PIEZO2: variants seen among roughly 807,000 people sequenced by gnomAD.
PIEZO2 encodes piezo type mechanosensitive ion channel component 2.
A neutral mutation model predicts 337.3 loss-of-function variants in PIEZO2; 172 were observed. The observed-to-expected ratio is 0.51, with a 90% confidence interval of 0.45 to 0.58. PIEZO2 has a LOEUF of 0.58. Among genes scored for constraint, PIEZO2 ranks in the 20% least tolerant of loss-of-function variants. The pLI, the probability that PIEZO2 is intolerant of heterozygous loss-of-function variation, is 0.00. For synonymous variants in PIEZO2, 1,251 were observed against 1,228.5 expected (o/e 1.02, Z -0.38); for missense variants, 3,028 against 3,391.3 (o/e 0.89, Z 2.66).
At chr18:10,816,779 G>A (rs2040376980) in intron 7 of PIEZO2, among the ~76,000 whole-genome samples, 1 of 152,166 alleles carries the variant, frequency 6.6e-6, no homozygotes, top group Admixed American at 6.5e-5. Context: ...TGAAATCCAT[G>A]TCTGATATTT....
At chr18:11,085,483 G>C (rs1210794548) in intron 1 of PIEZO2, among the ~76,000 whole-genome samples, 1 of 152,098 alleles carries the variant, frequency 6.6e-6, no homozygotes, top group Non-Finnish European at 1.5e-5. Context: ...CAGGCAAAAT[G>C]CAGCTCCAAG....
At chr18:11,030,133 C>T (rs2036678593) in intron 2 of PIEZO2, among the ~76,000 whole-genome samples, 1 of 152,172 alleles carries the variant, frequency 6.6e-6, no homozygotes, top group Non-Finnish European at 1.5e-5. Flanking sequence ...CATCCTCATT[C>T]CAGCCACAAA....
At chr18:10,741,156 T>G in intron 32 of PIEZO2, 54 bp from the exon 33 acceptor site, 1 of 1,459,700 alleles carries the variant, frequency 6.9e-7, no homozygotes, top group Non-Finnish European at 9.1e-7. Context: ...AAACAAATTT[T>G]GAAAACCACG....
rs1199018487 is a variant in PIEZO2 at position 10,993,091 on chromosome 18, C to T, written c.161-13431G>A. Among the ~76,000 whole-genome samples, 1 of 152,154 alleles carries T rather than the reference C, an allele frequency of 6.6e-6. No homozygotes were observed. Among genetic ancestry groups the T allele is most frequent in the Non-Finnish European group, 1.5e-5 (1 of 68,034 alleles). ...ATTGATTTTGTATCCTGAGACTTTG[C>T]TGAAGCTGCTTATCAGCTTAAGGAG... On this transcript the variant is annotated intron_variant, in intron 2 of 55. Transcript: ENST00000674853. The surrounding 1 kb of genome is among the most constrained non-coding windows in gnomAD (Gnocchi z 5.0).
intron 3 of PIEZO2, among the ~76,000 whole-genome samples, chr18:10,968,564 T>A (rs1379629317): frequency 6.6e-6 from 1 of 151,378 alleles, no homozygotes; most frequent in African/African-American, 2.5e-5. Flanking sequence ...TTAACAATAG[T>A]TTGGGGTTCT....
intron 13 of PIEZO2, among the ~76,000 whole-genome samples, chr18:10,792,787 G>T (rs2039447558): frequency 6.6e-6 from 1 of 152,206 alleles, no homozygotes; most frequent in African/African-American, 2.4e-5. Context: ...CTGGGTAAAT[G>T]AACCTAGGAC....
chr18:10,883,304 C>T (rs1186312800), intron 4 of PIEZO2, among the ~76,000 whole-genome samples: 1 of 151,992 alleles, frequency 6.6e-6, no homozygotes, highest in African/African-American at 2.4e-5. Flanking sequence ...ATTGCTGGGT[C>T]TCATGGTAGT....
At chr18:10,792,185 G>C (rs554362984) in intron 13 of PIEZO2, among the ~76,000 whole-genome samples, 1 of 152,338 alleles carries the variant, frequency 6.6e-6, no homozygotes, top group Admixed American at 6.5e-5. Context: ...CTGACATCAG[G>C]TGATCCGCCT....
chr18:10,858,313 C>T (rs1186670065), intron 5 of PIEZO2, among the ~76,000 whole-genome samples: 1 of 86,558 alleles, frequency 1.2e-5, no homozygotes, highest in Non-Finnish European at 2.0e-5. Context: ...CAGAGCGAGA[C>T]TTCAACCCAA....
At chr18:10,971,729 A>C (rs1332165629) in intron 3 of PIEZO2, among the ~76,000 whole-genome samples, 2 of 152,166 alleles carry the variant, frequency 1.3e-5, no homozygotes, top group Non-Finnish European at 2.9e-5. Context: ...CAGCCTCCAA[A>C]ATTTATGTAT....
chr18:11,110,367 C>T lies in PIEZO2; in HGVS notation c.64+38158G>A, dbSNP rs1267047212. On this transcript the variant is annotated intron_variant, in intron 1 of 55. Transcript: ENST00000674853. The surrounding 1 kb of genome is among the most constrained non-coding windows in gnomAD (Gnocchi z 4.2). ...AGAAATATCGTTTTATTTAAGAAGA[C>T]AGTAGAAAGATCATCCCACCCTGGG... 6.6e-6 allele frequency among the ~76,000 whole-genome samples: 1 copy of T among 152,206 alleles called. No homozygotes were observed. The highest frequency in any genetic ancestry group is 2.4e-5 in the African/African-American group (1 of 41,444).
At position 11,028,650 on chromosome 18, in the gene PIEZO2, G is replaced by C. The variant is rs564628318; in HGVS notation, c.160+37477C>G. On this transcript the variant is annotated intron_variant, in intron 2 of 55. Transcript: ENST00000674853. The surrounding 1 kb of genome is among the most constrained non-coding windows in gnomAD (Gnocchi z 4.8). Reference sequence around the variant, plus strand: ...CAATGTGTGACTAAGTGGAGTTGAGGACAGTAAAACTGTGCAGTATTAGGG... The same window carrying C: ...CAATGTGTGACTAAGTGGAGTTGAGCACAGTAAAACTGTGCAGTATTAGGG... 6.6e-6 allele frequency among the ~76,000 whole-genome samples: 1 copy of C among 152,284 alleles called. No individual in the cohort carries two copies. The highest frequency in any genetic ancestry group is 1.5e-5 in the Non-Finnish European group (1 of 68,022).
In PIEZO2 at chr18:10,847,727, T is replaced by A. The variant is rs1459503623; in HGVS notation, c.917+7626A>T. Among the ~76,000 whole-genome samples the A allele has an allele frequency of 1.3e-5, 2 of 152,214 alleles. No individual in the cohort carries two copies. The highest frequency in any genetic ancestry group is 2.9e-5 in the Non-Finnish European group (2 of 68,034). ...CCTAACTCTACCTTTCAGATAAGCATAAATGAACTCTGAATGAGACCTGTA... is the reference window on the plus strand; with the variant it reads ...CCTAACTCTACCTTTCAGATAAGCAAAAATGAACTCTGAATGAGACCTGTA... On this transcript the variant is annotated intron_variant, in intron 7 of 55. Transcript: ENST00000674853. The surrounding 1 kb of genome is among the most constrained non-coding windows in gnomAD (Gnocchi z 5.7).
chr18:10,775,871 T>C lies in PIEZO2; in HGVS notation c.2535-1833A>G, dbSNP rs745436965. On this transcript the variant is annotated intron_variant, in intron 18 of 55. Coordinates refer to ENST00000674853, the MANE Select transcript of PIEZO2 (RefSeq NM_001378183.1). This position sits in a 1 kb window ranked among gnomAD's most constrained non-coding sequence, Gnocchi z 4.3. ...CCTTAGAGCCACAAACTCCAGACCC[T>C]CTCTGGAGCAGTCTAACCTCATGAG... Among the ~76,000 whole-genome samples the C allele has an allele frequency of 6.6e-6, 1 of 151,448 alleles. No homozygotes were observed. The highest frequency in any genetic ancestry group is 2.4e-5 in the African/African-American group (1 of 41,146).
At position 10,787,022 on chromosome 18, in the gene PIEZO2, T is replaced by G; in HGVS notation, c.2318+14A>C. ...CTTCATCTTGTTCATCATTTTCAACTCAAAATCACTTACTTTTCTTTTTTC... is the reference window on the plus strand; with the variant it reads ...CTTCATCTTGTTCATCATTTTCAACGCAAAATCACTTACTTTTCTTTTTTC... On this transcript the variant is annotated intron_variant, in intron 16 of 55. Transcript: ENST00000674853. 1 of 1,525,362 alleles carries G rather than the reference T, an allele frequency of 6.6e-7. No homozygotes were observed. Among genetic ancestry groups the G allele is most frequent in the Non-Finnish European group, 8.8e-7 (1 of 1,140,564 alleles). 94.5% of individuals were successfully genotyped at this position (1,525,362 alleles called of 1,614,324 possible).
intron 4 of PIEZO2, among the ~76,000 whole-genome samples, chr18:10,897,059 C>T (rs534156181): frequency 5.0e-4 from 76 of 152,322 alleles, no homozygotes; most frequent in African/African-American, 1.7e-3. Flanking sequence ...AAATGCTAAA[C>T]ATCACTGCCT....
rs560638822 is a variant in PIEZO2, at chr18:11,148,292, A to C, written c.64+233T>G. The stretch of plus-strand genomic sequence containing the variant: ...ACGTGTAACTAAATTCAACATAAAC[A>C]GTTTCCAGCACATGCCCGTCCCGAG... On this transcript the variant is annotated intron_variant, in intron 1 of 55. Coordinates refer to ENST00000674853, the MANE Select transcript of PIEZO2 (RefSeq NM_001378183.1). This position sits in a 1 kb window ranked among gnomAD's most constrained non-coding sequence, Gnocchi z 5.2. 6.6e-6 allele frequency among the ~76,000 whole-genome samples: 1 copy of C among 152,294 alleles called. No individual in the cohort carries two copies. The highest frequency in any genetic ancestry group is 1.9e-4 in the East Asian group (1 of 5,148).
chr18:11,144,034 T>C (rs2040743407), intron 1 of PIEZO2, among the ~76,000 whole-genome samples: 1 of 152,138 alleles, frequency 6.6e-6, no homozygotes, highest in South Asian at 2.1e-4. Context: ...GGCAGAGCCA[T>C]GAGGTCAATG....
intron 1 of PIEZO2, among the ~76,000 whole-genome samples, chr18:11,124,181 G>A (rs1423734936): frequency 2.0e-5 from 3 of 152,214 alleles, no homozygotes; most frequent in Non-Finnish European, 4.4e-5. Context: ...CAAAAATCCA[G>A]TAAGAGATAA....
Sources: gnomAD v4.1 joint callset for allele counts (sites outside exome capture counted in the v4.1 genomes callset) on GRCh38, gnomAD v4.1.1 for gene constraint, Gnocchi (gnomAD v3.1) non-coding constraint, MANE v1.5 for transcripts, NCBI Gene and HGNC (gene_info 2026-07-23, HGNC 2026-07-21) for gene names.